The following SORCS2 variants were observed in gnomAD, a reference collection of about 807,000 sequenced individuals.
The protein encoded by SORCS2 is sortilin related VPS10 domain containing receptor 2.
Under a neutral mutation model 141.6 loss-of-function variants are expected in SORCS2, and 100 were observed. That is an observed-to-expected ratio of 0.71 (90% CI 0.60 to 0.83). The LOEUF is 0.83. Ranked by LOEUF, SORCS2 falls within the 40% of genes least tolerant of loss-of-function variation. The pLI is 0.00. For synonymous variants in SORCS2, 789 were observed against 676.9 expected, an observed-to-expected ratio of 1.17 and a Z score of -2.57; for missense variants, 1,646 against 1,560.2, an observed-to-expected ratio of 1.05 and a Z score of -0.93.
chr4:7,662,530 GT>G (rs1251245802), intron 6 of SORCS2, among the ~76,000 whole-genome samples: 6 of 152,198 alleles, frequency 3.9e-5, no homozygotes, highest in Non-Finnish European at 8.8e-5. Flanking sequence ...TGTGTCCCCA[GT>G]AAGGCTGCTG....
chr4:7,559,512 A>G, intron 3 of SORCS2, among the ~76,000 whole-genome samples: 1 of 152,214 alleles, frequency 6.6e-6, no homozygotes, highest in East Asian at 1.9e-4. Flanking sequence ...TGATGGGGGC[A>G]TCAGAGGCTC....
chr4:7,477,832 C>T (rs1560317089), intron 2 of SORCS2, among the ~76,000 whole-genome samples: 1 of 152,188 alleles, frequency 6.6e-6, no homozygotes, highest in Non-Finnish European at 1.5e-5. Flanking sequence ...GGCTTAATTG[C>T]TGGATGACCT....
At chr4:7,318,998 G>A (rs1718729809) in intron 1 of SORCS2, among the ~76,000 whole-genome samples, 1 of 152,172 alleles carries the variant, frequency 6.6e-6, no homozygotes. Flanking sequence ...AGAGCCTTTT[G>A]GGTCTGGCAT....
At chr4:7,379,068 A>G (rs1218917536) in intron 1 of SORCS2, among the ~76,000 whole-genome samples, 1 of 152,138 alleles carries the variant, frequency 6.6e-6, no homozygotes, top group Non-Finnish European at 1.5e-5. Flanking sequence ...TCTAAAGCAG[A>G]TGTCCTGGGT....
intron 2 of SORCS2, among the ~76,000 whole-genome samples, chr4:7,493,117 A>T (rs1410905204): frequency 1.3e-5 from 2 of 152,212 alleles, no homozygotes; most frequent in Non-Finnish European, 2.9e-5. Context: ...CAGAATTAAG[A>T]AACAAATGGA....
intron 3 of SORCS2, among the ~76,000 whole-genome samples, chr4:7,546,801 G>A (rs183599039): frequency 6.6e-6 from 1 of 152,344 alleles, no homozygotes; most frequent in African/African-American, 2.4e-5. Context: ...GATAGGCTGT[G>A]CTTGCCGTAG....
intron 25 of SORCS2, among the ~76,000 whole-genome samples, chr4:7,735,878 G>C (rs1021141450): frequency 7.9e-5 from 12 of 152,214 alleles, no homozygotes. Flanking sequence ...GTTTGTCACA[G>C]CTAGGAGGTG....
At chr4:7,386,720 CACAT>C (rs200727929) in intron 1 of SORCS2, among the ~76,000 whole-genome samples, 7,838 of 130,094 alleles carry the variant, frequency 0.06, 290 homozygotes, top group East Asian at 0.11. Flanking sequence ...GATACACATG[CACAT>C]ACATACACAT....
At chr4:7,378,980 G>C (rs1213558049) in intron 1 of SORCS2, among the ~76,000 whole-genome samples, 1 of 152,164 alleles carries the variant, frequency 6.6e-6, no homozygotes, top group African/African-American at 2.4e-5. Context: ...CCTCTCCCTA[G>C]ATGCACCTTC....
intron 9 of SORCS2, among the ~76,000 whole-genome samples, chr4:7,678,244 T>G (rs571942674): frequency 2.0e-5 from 3 of 147,838 alleles, no homozygotes; most frequent in South Asian, 2.1e-4. Flanking sequence ...GTTAGCCAGG[T>G]GAGGAAGGAA....
chr4:7,629,129 G>A lies in SORCS2; in HGVS notation c.649-9199G>A, dbSNP rs1719708274. Among the ~76,000 whole-genome samples the A allele has an allele frequency of 5.3e-5, 8 of 152,086 alleles. No homozygotes were observed. The South Asian group carries it at 1.7e-3, about 32-fold the overall frequency. ...AAAACAAGTGGGTGAGGCGACGGCT[G>A]TGTTGATTGGCTTGATTTAATCATT... On this transcript the variant is annotated intron_variant, in intron 3 of 26. Coordinates refer to ENST00000507866, the MANE Select transcript of SORCS2 (RefSeq NM_020777.3).
At chr4:7,620,639 G>A (rs1719102832) in intron 3 of SORCS2, among the ~76,000 whole-genome samples, 1 of 152,258 alleles carries the variant, frequency 6.6e-6, no homozygotes, top group African/African-American at 2.4e-5. Flanking sequence ...TATGGAGGCG[G>A]TGGGTGTTGG....
chr4:7,250,478 A>G (rs115829823), intron 1 of SORCS2, among the ~76,000 whole-genome samples: 2 of 152,230 alleles, frequency 1.3e-5, no homozygotes, highest in Non-Finnish European at 1.5e-5. Flanking sequence ...AATAAAAACA[A>G]CATGCATTTT....
intron 1 of SORCS2, among the ~76,000 whole-genome samples, chr4:7,206,545 G>C (rs1727753224): frequency 6.6e-6 from 1 of 152,160 alleles, no homozygotes; most frequent in Non-Finnish European, 1.5e-5. Context: ...CCGTGGGGTG[G>C]GGATTATGGC....
chr4:7,677,534 G>A (rs939309358), intron 9 of SORCS2, among the ~76,000 whole-genome samples: 1 of 152,158 alleles, frequency 6.6e-6, no homozygotes, highest in African/African-American at 2.4e-5. Context: ...TCACCTCCAA[G>A]CTCCTTCCTC....
intron 5 of SORCS2, among the ~76,000 whole-genome samples, chr4:7,659,259 A>G (rs567720512): frequency 6.7e-6 from 1 of 150,132 alleles, no homozygotes; most frequent in South Asian, 2.1e-4. Context: ...CCAGGTCCTC[A>G]CTAAGGTTCC....
In SORCS2 at chr4:7,565,862, GTGA is replaced by G. The variant is rs539061875; in HGVS notation, c.648+34239_648+34241del. On this transcript the variant is annotated intron_variant, in intron 3 of 26. Transcript: ENST00000507866. ...GGTGATGGTGATGATGGTGATGATG[GTGA>G]TGATGTGATGATGGAGATGATGATG... Among the ~76,000 whole-genome samples the G allele has an allele frequency of 1.5e-3, 140 of 96,454 alleles. 3 individuals carry two copies. The highest frequency in any genetic ancestry group is 4.0e-3 in the African/African-American group (137 of 34,674). 63.3% of individuals were successfully genotyped at this position (96,454 alleles called of 152,430 possible).
chr4:7,375,459 C>T (rs1311508632), intron 1 of SORCS2, among the ~76,000 whole-genome samples: 3 of 152,172 alleles, frequency 2.0e-5, no homozygotes, highest in Non-Finnish European at 2.9e-5. Context: ...CAGGATACCG[C>T]GGTGGGATTT....
chr4:7,440,846 C>T (rs1175357728), intron 2 of SORCS2, among the ~76,000 whole-genome samples: 1 of 152,178 alleles, frequency 6.6e-6, no homozygotes, highest in Non-Finnish European at 1.5e-5. Context: ...ATTTTCCAAG[C>T]CCTGCTGGGA....
Sources: gnomAD v4.1 joint callset for allele counts (sites outside exome capture counted in the v4.1 genomes callset) on GRCh38, gnomAD v4.1.1 for gene constraint, MANE v1.5 for transcripts, NCBI Gene and HGNC (gene_info 2026-07-23, HGNC 2026-07-21) for gene names.